RAVER1: variants seen among roughly 807,000 people sequenced by gnomAD.
RAVER1 encodes the protein ribonucleoprotein PTB-binding 1.
A neutral mutation model predicts 68.4 loss-of-function variants in RAVER1; 36 were observed. The observed-to-expected ratio is 0.53, with a 90% CI of 0.40 to 0.70. The LOEUF is 0.70. RAVER1 is among the 30% of genes least tolerant of loss of function. The pLI, the probability that RAVER1 is intolerant of heterozygous loss-of-function variation, is 0.00. For missense variants in RAVER1, 933 were observed against 1,019.8 expected (o/e 0.91, Z 1.16); for synonymous variants, 469 against 472.7 (o/e 0.99, Z 0.10).
intron 1 of RAVER1, among the ~76,000 whole-genome samples, chr19:10,332,301 C>A (rs1280935229): frequency 6.6e-6 from 1 of 152,188 alleles, no homozygotes; most frequent in Admixed American, 6.6e-5. Context: ...CCCAGCCTCT[C>A]AAGCCAGCTT....
chr19:10,321,877 G>A lies in RAVER1; in HGVS notation c.1174-259C>T, dbSNP rs887968962. On this transcript the variant is annotated intron_variant, in intron 6 of 12. Transcript: ENST00000617231. The stretch of plus-strand genomic sequence containing the variant: ...AGCACAGTATCAACTGCAGCCACAT[G>A]GAATGGGACAGCCACACAGTGTTTC... 9.5e-6 allele frequency: 3 copies of A among 314,722 alleles called. No homozygotes were observed. In the Admixed American group the frequency reaches 1.5e-4, roughly 16 times the overall value. The allele number at this position is 314,722 out of a possible 1,614,324, so 19.5% of individuals were successfully genotyped here.
intron 3 of RAVER1, among the ~76,000 whole-genome samples, chr19:10,324,053 C>T (rs2040457913): frequency 6.6e-6 from 1 of 151,188 alleles, no homozygotes; most frequent in South Asian, 2.1e-4. Context: ...GAGGCTGAGG[C>T]AGAGGCAAGA....
rs922024472 is a variant in RAVER1, at chr19:10,333,201, G to A, written c.219+88C>T. The A allele has an allele frequency of 7.6e-7, 1 of 1,311,960 alleles. No homozygotes were observed. Among genetic ancestry groups the A allele is most frequent in the Non-Finnish European group, 1.0e-6 (1 of 963,598 alleles). The allele number at this position is 1,311,960 out of a possible 1,614,324, so 81.3% of individuals were successfully genotyped here. The stretch of plus-strand genomic sequence containing the variant: ...GGGCGCCCCCGCCAACGACCCCCGC[G>A]CACCTCAGCGTTGGTGTCGCCCGGT... On this transcript the variant is annotated intron_variant, in intron 1 of 12. Transcript: ENST00000617231. This position sits in a 1 kb window ranked among gnomAD's most constrained non-coding sequence, Gnocchi z 4.2.
At chr19:10,321,692 C>T (rs1360037186) in intron 6 of RAVER1, 74 bp from the exon 7 acceptor site, 1 of 1,236,178 alleles carries the variant, frequency 8.1e-7, no homozygotes, top group South Asian at 2.8e-5. Flanking sequence ...GGCCCAGAGT[C>T]TTGGCAGACA....
At chr19:10,324,358 C>T (rs1404988235) in intron 3 of RAVER1, among the ~76,000 whole-genome samples, 3 of 152,082 alleles carry the variant, frequency 2.0e-5, no homozygotes, top group Non-Finnish European at 4.4e-5. Flanking sequence ...GCACAGATCT[C>T]CCATAACCAA....
chr19:10,321,142 G>A lies in RAVER1; in HGVS notation c.1379C>T (p.Ala460Val). ...REALGLGPPA[A>V]QLTPPPAPVG... Reference sequence around the variant, plus strand: ...AGGGGCGGGGGGAGGAGTGAGCTGGGCCGCTGGGGGACCCAAGCCCAGGGC... The same window carrying A: ...AGGGGCGGGGGGAGGAGTGAGCTGGACCGCTGGGGGACCCAAGCCCAGGGC... Residue 460 changes from alanine to valine, a missense_variant, in exon 8 of 13, where the codon GCC (alanine) becomes GTC (valine). Coordinates refer to ENST00000617231, the MANE Select transcript of RAVER1 (RefSeq NM_133452.3). 1 of 1,290,544 alleles carries A rather than the reference G, an allele frequency of 7.7e-7. No individual in the cohort carries two copies. The highest frequency in any genetic ancestry group is 2.7e-5 in the South Asian group (1 of 36,492). The allele number at this position is 1,290,544 out of a possible 1,614,324, so 79.9% of individuals were successfully genotyped here.
Position 10,317,382 on chromosome 19 carries a change from C to T in RAVER1, c.*72G>A, listed in dbSNP as rs1482577796. The stretch of plus-strand genomic sequence containing the variant: ...AAGAGAGAAAATGGTTTAAAAAAAA[C>T]ACAAAACAAAACATCAGAAAACCCA... On this transcript the variant is annotated 3_prime_UTR_variant, in exon 13 of 13. Transcript: ENST00000617231. The surrounding 1 kb of genome is among the most constrained non-coding windows in gnomAD (Gnocchi z 4.3). The T allele has an allele frequency of 1.3e-6, 2 of 1,507,136 alleles. No homozygotes were observed. Among genetic ancestry groups the T allele is most frequent in the African/African-American group, 1.4e-5 (1 of 71,900 alleles). 93.4% of individuals were successfully genotyped at this position (1,507,136 alleles called of 1,614,324 possible). A position where few individuals can be genotyped will look rare whatever the true frequency, so the allele number is the denominator to read the frequency against.
chr19:10,331,812 T>C (rs1371205999), intron 1 of RAVER1, among the ~76,000 whole-genome samples: 1 of 152,052 alleles, frequency 6.6e-6, no homozygotes, highest in Admixed American at 6.6e-5. Flanking sequence ...TCATGTTGTA[T>C]ATGAGAAAAC....
In RAVER1 at chr19:10,316,464, T is replaced by A. The variant is rs2040388517; in HGVS notation, c.*990A>T. ...GGCACTGGGCTGGAAGGAGGCCAGC[T>A]CCAGGGATCTGGCCGGGGGTGGGCA... On this transcript the variant is annotated 3_prime_UTR_variant, in exon 13 of 13. Transcript: ENST00000617231. 1 of 995,476 alleles carries A rather than the reference T, an allele frequency of 1.0e-6. No homozygotes were observed. Among genetic ancestry groups the A allele is most frequent in the African/African-American group, 1.7e-5 (1 of 57,342 alleles). 61.7% of individuals were successfully genotyped at this position (995,476 alleles called of 1,614,324 possible). A position where few individuals can be genotyped will look rare whatever the true frequency, so the allele number is the denominator to read the frequency against.
intron 3 of RAVER1, among the ~76,000 whole-genome samples, chr19:10,325,688 G>A (rs2040469617): frequency 6.6e-6 from 1 of 152,098 alleles, no homozygotes; most frequent in Non-Finnish European, 1.5e-5. Context: ...ATGCATTCCT[G>A]TAGTTCCCCA....
At position 10,330,417 on chromosome 19, in the gene RAVER1, G is replaced by T. The variant is rs201930568; in HGVS notation, c.286+43C>A. 1,619 of 926,024 alleles carry T rather than the reference G, an allele frequency of 1.7e-3. 2 individuals are homozygous for T. The highest frequency in any genetic ancestry group is 2.3e-3 in the Non-Finnish European group (1,341 of 575,462). 57.4% of individuals were successfully genotyped at this position (926,024 alleles called of 1,614,324 possible). ...TGAGCCAGGCCCTCCCATCTTCAGG[G>T]ATGGTCACTCCCTGCCCTGGCCCGC... On this transcript the variant is annotated intron_variant, in intron 2 of 12. Transcript: ENST00000617231.
rs747144072 is a variant in RAVER1 at position 10,320,862 on chromosome 19, C to T, written c.1563G>A (p.Leu521=). Residue 521 remains leucine, a synonymous_variant, in exon 9 of 13, where the codon CTG becomes CTA. Coordinates refer to ENST00000617231, the MANE Select transcript of RAVER1 (RefSeq NM_133452.3). ...CCCAGCCCCGGGCCTCCTTACCCGC[C>T]AGGTTGCTGGCCGGGAGCAGGCTGT... The part of the protein sequence containing the change: ...NLHSLLPASN[L]AGKEARGWGG... 20 of 1,512,090 alleles carry T rather than the reference C, an allele frequency of 1.3e-5. No individual in the cohort carries two copies. The South Asian group carries it at 2.3e-4, about 17-fold the overall frequency. 93.7% of individuals were successfully genotyped at this position (1,512,090 alleles called of 1,614,324 possible).
rs757037271 is a variant in RAVER1, at chr19:10,320,668, AAGCTGT to A, written c.1751_1756del (p.Tyr584_Ser585del). 1.5e-5 allele frequency: 24 copies of A among 1,554,234 alleles called. No homozygotes were observed. The highest frequency in any genetic ancestry group is 2.1e-5 in the Non-Finnish European group (24 of 1,154,038). On this transcript the variant is annotated inframe_deletion, in exon 9 of 13. Coordinates refer to ENST00000617231, the MANE Select transcript of RAVER1 (RefSeq NM_133452.3). Reference sequence around the variant, plus strand: ...CCAGGCACTCACCGAGGGGTAGTCGAAGCTGTAGCTGTCAGACAGTCCTGGTTCGGG... The same window carrying A: ...CCAGGCACTCACCGAGGGGTAGTCGAAGCTGTCAGACAGTCCTGGTTCGGG...
In RAVER1 at chr19:10,333,136, C is replaced by T. The variant is rs187614751; in HGVS notation, c.219+153G>A. ...CTTTCATCATCGCCCCCCCACGTCC[C>T]GCTCTTGGTCTCTCCCGATCCCGCG... On this transcript the variant is annotated intron_variant, in intron 1 of 12. Transcript: ENST00000617231. The surrounding 1 kb of genome is among the most constrained non-coding windows in gnomAD (Gnocchi z 4.2). Among the ~76,000 whole-genome samples the T allele has an allele frequency of 6.6e-6, 1 of 152,298 alleles. No individual in the cohort carries two copies. Among genetic ancestry groups the T allele is most frequent in the Non-Finnish European group, 1.5e-5 (1 of 68,026 alleles).
Position 10,321,621 on chromosome 19 carries a change from AG to A in RAVER1, c.1174-4del. ...GAGTCTCCCAGGATGCCGGGCTTCT[AG>A]GGACAGAGCACAGACAGTTGCAGAT... is the stretch of plus-strand genomic sequence containing the variant. On this transcript the variant is annotated splice_region_variant and splice_polypyrimidine_tract_variant and intron_variant, in intron 6 of 12. Transcript: ENST00000617231. 1 of 1,415,092 alleles carries A rather than the reference AG, an allele frequency of 7.1e-7. No individual in the cohort carries two copies. Among genetic ancestry groups the A allele is most frequent in the South Asian group, 1.8e-5 (1 of 56,086 alleles). The allele number at this position is 1,415,092 out of a possible 1,614,324, so 87.7% of individuals were successfully genotyped here. A position where few individuals can be genotyped will look rare whatever the true frequency, so the allele number is the denominator to read the frequency against.
chr19:10,320,761 C>T lies in RAVER1; in HGVS notation c.1664G>A (p.Ser555Asn). 4 of 1,506,190 alleles carry T rather than the reference C, an allele frequency of 2.7e-6. No homozygotes were observed. The South Asian group carries it at 5.2e-5, about 19-fold the overall frequency. 93.3% of individuals were successfully genotyped at this position (1,506,190 alleles called of 1,614,324 possible). A position where few individuals can be genotyped will look rare whatever the true frequency, so the allele number is the denominator to read the frequency against. The change falls in exon 9 of 13, where the codon AGC (serine) becomes AAC (asparagine). Residue 555 changes from serine (S) to asparagine (N), a missense_variant. Ser to Asn is a conservative substitution (Grantham distance 46). Around this residue, in one of 3 missense-constraint regions of RAVER1, gnomAD observed 699 missense variants for 731.1 expected, o/e 0.96. Coordinates refer to ENST00000617231, the MANE Select transcript of RAVER1 (RefSeq NM_133452.3). ...NPPAPGGGSS[S>N]SKAFQLKSRL... is the part of the protein sequence containing the mutation. ...GGACTTGAGCTGGAAGGCTTTGCTGCTGCTGCTGCCACCTCCAGGGGCTGG... is the reference window on the plus strand; with the variant it reads ...GGACTTGAGCTGGAAGGCTTTGCTGTTGCTGCTGCCACCTCCAGGGGCTGG...
At chr19:10,321,914 G>C (rs896615023) in intron 6 of RAVER1, 1 of 247,858 alleles carries the variant, frequency 4.0e-6, no homozygotes, top group African/African-American at 2.2e-5. Flanking sequence ...GCCACTTTTA[G>C]TCACAGAAGG....
intron 1 of RAVER1, among the ~76,000 whole-genome samples, chr19:10,331,029 G>A (rs1266645213): frequency 6.7e-6 from 1 of 149,596 alleles, no homozygotes; most frequent in Non-Finnish European, 1.5e-5. Context: ...CTCCAGCCTG[G>A]GTGACAAAGG....
In RAVER1 at chr19:10,325,893, AGAT is replaced by A. The variant is rs113016634; in HGVS notation, c.757-2330_757-2328del. ...ATGAAGCACTGCCAGCCCCATTTTG[AGAT>A]GTGGAAACAGGCTAGGAGAGTACCT... On this transcript the variant is annotated intron_variant, in intron 3 of 12. Transcript: ENST00000617231. 5.2e-3 allele frequency among the ~76,000 whole-genome samples: 796 copies of A among 152,176 alleles called. 7 individuals are homozygous for A. Among genetic ancestry groups the A allele is most frequent in the African/African-American group, 0.018 (756 of 41,534 alleles).
Sources: gnomAD v4.1 joint callset for allele counts (sites outside exome capture counted in the v4.1 genomes callset) on GRCh38, gnomAD v4.1.1 for gene constraint, gnomAD v4.1.1 regional missense constraint, Gnocchi (gnomAD v3.1) non-coding constraint, MANE v1.5 for transcripts, NCBI Gene and HGNC (gene_info 2026-07-23, HGNC 2026-07-21) for gene names.